The following AGMO variants were observed in gnomAD, a reference collection of about 807,000 sequenced individuals.
AGMO encodes glyceryl-ether monooxygenase.
AGMO carries 75 observed loss-of-function variants against 60.2 expected under a neutral mutation model. That is an observed-to-expected ratio of 1.25 (90% CI 1.03 to 1.51). The LOEUF (loss-of-function observed/expected upper bound fraction) is 1.51. Ranked by LOEUF, AGMO falls within the 40% of genes most tolerant of loss-of-function variation. AGMO has a pLI of 0.00. For missense variants in AGMO, 763 were observed against 525.5 expected, an observed-to-expected ratio of 1.45 and a Z score of -4.42; for synonymous variants, 261 against 177.1, an observed-to-expected ratio of 1.47 and a Z score of -3.76.
At chr7:15,179,722 TGCA>T in the AGMO span, among the ~76,000 whole-genome samples, 1 of 152,214 alleles carries the variant, frequency 6.6e-6, no homozygotes, top group South Asian at 2.1e-4. Context: ...TCTCTGCTCC[TGCA>T]GCAGGTTTCT....
chr7:15,314,592 ATTAT>A (rs1016362145), intron 12 of AGMO, among the ~76,000 whole-genome samples: 11 of 152,142 alleles, frequency 7.2e-5, no homozygotes, highest in Non-Finnish European at 1.3e-4. Context: ...CTGCATAATA[ATTAT>A]TTAACTTCAA....
At chr7:15,445,345 T>C (rs183048056) in intron 3 of AGMO, among the ~76,000 whole-genome samples, 11 of 152,296 alleles carry the variant, frequency 7.2e-5, no homozygotes, top group Admixed American at 1.3e-4. Flanking sequence ...TAAACTTCTA[T>C]AATGATGAGA....
chr7:15,321,368 T>C (rs1160250207), intron 12 of AGMO, among the ~76,000 whole-genome samples: 2 of 152,168 alleles, frequency 1.3e-5, no homozygotes, highest in African/African-American at 2.4e-5. Context: ...CTTCTGACAC[T>C]AGAGGTTTCT....
chr7:15,178,087 T>C, the AGMO span, among the ~76,000 whole-genome samples: 2 of 152,166 alleles, frequency 1.3e-5, no homozygotes, highest in East Asian at 1.9e-4. Flanking sequence ...TCCTTATTAG[T>C]AGTAGTTAGC....
At chr7:15,438,344 T>C (rs1043515501) in intron 3 of AGMO, among the ~76,000 whole-genome samples, 10 of 152,102 alleles carry the variant, frequency 6.6e-5, no homozygotes, top group African/African-American at 2.4e-4. Context: ...TTTACAGGTA[T>C]TAACTCATAC....
chr7:15,499,951 T>C, intron 3 of AGMO, among the ~76,000 whole-genome samples: 1 of 148,794 alleles, frequency 6.7e-6, no homozygotes, highest in Non-Finnish European at 1.5e-5. Context: ...ATATAATATA[T>C]ATATTTTTCC....
At chr7:15,242,988 G>A (rs1335612221) in intron 12 of AGMO, among the ~76,000 whole-genome samples, 1 of 151,916 alleles carries the variant, frequency 6.6e-6, no homozygotes, top group Non-Finnish European at 1.5e-5. Context: ...GTAAGAACTG[G>A]GGCAAGATGT....
chr7:15,363,686 C>T (rs879888356), intron 12 of AGMO, among the ~76,000 whole-genome samples: 2 of 152,124 alleles, frequency 1.3e-5, no homozygotes, highest in African/African-American at 2.4e-5. Flanking sequence ...CTACATTGCC[C>T]TCCACCATCT....
At chr7:15,122,687 C>T in the AGMO span, among the ~76,000 whole-genome samples, 230 of 152,226 alleles carry the variant, frequency 1.5e-3, no homozygotes, top group Non-Finnish European at 3.0e-3. Flanking sequence ...CTAACAGTCA[C>T]ATCCATTCTC....
intron 12 of AGMO, among the ~76,000 whole-genome samples, chr7:15,341,705 G>A (rs368934078): frequency 1.3e-5 from 2 of 152,028 alleles, no homozygotes; most frequent in African/African-American, 2.4e-5. Context: ...AAACATACCT[G>A]AGAGAGTGGG....
chr7:15,483,489 C>T (rs1782819823), intron 3 of AGMO, among the ~76,000 whole-genome samples: 1 of 152,058 alleles, frequency 6.6e-6, no homozygotes, highest in African/African-American at 2.4e-5. Flanking sequence ...TGGCGTGAAC[C>T]CGGGAGGCGG....
At chr7:15,532,807 G>T in intron 3 of AGMO, among the ~76,000 whole-genome samples, 1 of 151,998 alleles carries the variant, frequency 6.6e-6, no homozygotes, top group East Asian at 1.9e-4. Flanking sequence ...CCTGGACAAT[G>T]AAGTGAGACC....
the AGMO span, among the ~76,000 whole-genome samples, chr7:15,131,859 A>C: frequency 6.6e-6 from 1 of 151,840 alleles, no homozygotes; most frequent in East Asian, 1.9e-4. Context: ...GCAAGCTGCC[A>C]TGAGAACAAC....
chr7:15,379,967 T>C (rs962151506), intron 10 of AGMO, among the ~76,000 whole-genome samples: 2 of 152,186 alleles, frequency 1.3e-5, no homozygotes, highest in Middle Eastern at 3.4e-3. Flanking sequence ...CACCCTTTCA[T>C]ATTGCTCATT....
At chr7:15,245,798 G>A (rs1321502386) in intron 12 of AGMO, among the ~76,000 whole-genome samples, 1 of 152,028 alleles carries the variant, frequency 6.6e-6, no homozygotes, top group African/African-American at 2.4e-5. Context: ...CAAATGCTTG[G>A]ATTTTCCTCC....
At chr7:15,316,297 T>G (rs994223430) in intron 12 of AGMO, among the ~76,000 whole-genome samples, 6 of 152,078 alleles carry the variant, frequency 3.9e-5, no homozygotes, top group African/African-American at 1.4e-4. Context: ...CCACCCCACA[T>G]CCACTGCAGC....
chr7:15,138,940 C>T, the AGMO span, among the ~76,000 whole-genome samples: 1 of 152,092 alleles, frequency 6.6e-6, no homozygotes, highest in Non-Finnish European at 1.5e-5. Flanking sequence ...TTACATATAT[C>T]ACATTAGTAA....
rs540829036 is a variant in AGMO at position 15,413,481 on chromosome 7, C to A, written c.609+5077G>T. ...GATTTTCAAAGCACATACTTGTAAG[C>A]CCCAGATTAATGTTTTTTAAATACC... On this transcript the variant is annotated intron_variant, in intron 5 of 12. Transcript: ENST00000342526. Among the ~76,000 whole-genome samples the A allele has an allele frequency of 5.3e-5, 8 of 152,154 alleles. No homozygotes were observed. The East Asian group carries it at 1.4e-3, about 26-fold the overall frequency.
At chr7:15,146,322 A>G in the AGMO span, among the ~76,000 whole-genome samples, 1 of 152,210 alleles carries the variant, frequency 6.6e-6, no homozygotes, top group Non-Finnish European at 1.5e-5. Flanking sequence ...CATAATTTAT[A>G]TATGAAACAC....
Sources: allele counts gnomAD v4.1 joint callset (sites outside exome capture counted in the v4.1 genomes callset), GRCh38; gene constraint gnomAD v4.1.1; transcripts MANE v1.5; gene names NCBI Gene and HGNC (gene_info 2026-07-23, HGNC 2026-07-21).